Variants in ARID4B observed in about 807,000 individuals in gnomAD.
ARID4B encodes the protein AT-rich interactive domain-containing protein 4B.
In ARID4B, 26 loss-of-function variants were observed where a neutral mutation model predicts 147.5. The observed-to-expected ratio is 0.18, with a 90% CI of 0.13 to 0.24. The LOEUF (loss-of-function observed/expected upper bound fraction) is 0.24. Ranked by LOEUF, ARID4B falls within the 10% of genes least tolerant of loss-of-function variation. The pLI is 1.00. For missense variants in ARID4B, 1,179 were observed against 1,511.5 expected (o/e 0.78, Z 3.65); for synonymous variants, 512 against 507.9 (o/e 1.01, Z -0.11).
At chr1:235,304,380 T>A (rs191404361) in intron 2 of ARID4B, among the ~76,000 whole-genome samples, 108 of 149,226 alleles carry the variant, frequency 7.2e-4, no homozygotes, top group Middle Eastern at 3.5e-3. Flanking sequence ...AATGACAACA[T>A]TAACTTCAAA....
intron 2 of ARID4B, among the ~76,000 whole-genome samples, chr1:235,272,629 T>C (rs890823888): frequency 6.6e-6 from 1 of 152,090 alleles, no homozygotes; most frequent in Non-Finnish European, 1.5e-5. Context: ...TTAACTTATC[T>C]GAGCATAGCT....
In ARID4B at chr1:235,306,363, C is replaced by A. The variant is rs145423132; in HGVS notation, c.6+20551G>T. On this transcript the variant is annotated intron_variant, in intron 2 of 23. Coordinates refer to ENST00000264183, the MANE Select transcript of ARID4B (RefSeq NM_016374.6). ...CTAAAAATACAAAAAATTAGCCAGG[C>A]GTGGTGGCACACACCTGTAGTCCCA... Among the ~76,000 whole-genome samples the A allele has an allele frequency of 6.8e-4, 103 of 151,932 alleles. 1 individual carries two copies. The highest frequency in any genetic ancestry group is 2.4e-3 in the African/African-American group (100 of 41,444).
At chr1:235,254,759 A>G (rs1669845114) in intron 5 of ARID4B, among the ~76,000 whole-genome samples, 1 of 150,472 alleles carries the variant, frequency 6.6e-6, no homozygotes, top group Admixed American at 6.6e-5. Flanking sequence ...GGGAAAGAAT[A>G]AAAGAGCCAG....
chr1:235,192,577 T>C (rs1558186153), intron 19 of ARID4B, among the ~76,000 whole-genome samples: 1 of 152,156 alleles, frequency 6.6e-6, no homozygotes, highest in Non-Finnish European at 1.5e-5. Context: ...TAAACACACA[T>C]CTACAATAAG....
intron 9 of ARID4B, among the ~76,000 whole-genome samples, chr1:235,233,583 C>T (rs1668375438): frequency 6.6e-6 from 1 of 152,174 alleles, no homozygotes; most frequent in Non-Finnish European, 1.5e-5. Flanking sequence ...CTTCTCTAGT[C>T]ATATAATTCT....
At chr1:235,325,885 T>C (rs1675199191) in intron 2 of ARID4B, among the ~76,000 whole-genome samples, 1 of 152,232 alleles carries the variant, frequency 6.6e-6, no homozygotes, top group South Asian at 2.1e-4. Flanking sequence ...GTATTACAAA[T>C]TTTAATTTGG....
At chr1:235,171,326 G>A (rs996763611) in intron 23 of ARID4B, among the ~76,000 whole-genome samples, 13 of 151,944 alleles carry the variant, frequency 8.6e-5, no homozygotes, top group African/African-American at 1.4e-4. Context: ...CCAGCCACTC[G>A]GGAGACTGAG....
At chr1:235,196,288 A>G (rs1411968573) in intron 17 of ARID4B, among the ~76,000 whole-genome samples, 173 bp from the exon 18 acceptor site, 1 of 152,184 alleles carries the variant, frequency 6.6e-6, no homozygotes, top group Non-Finnish European at 1.5e-5. Context: ...AAAGAGAGGG[A>G]GGTAATAACT....
At chr1:235,203,767 A>G (rs1666109655) in intron 17 of ARID4B, among the ~76,000 whole-genome samples, 1 of 152,220 alleles carries the variant, frequency 6.6e-6, no homozygotes, top group Admixed American at 6.5e-5. Flanking sequence ...CCCCACCTGA[A>G]TTAAATAAAT....
intron 7 of ARID4B, among the ~76,000 whole-genome samples, chr1:235,244,071 C>T (rs949830387): frequency 2.0e-5 from 3 of 152,218 alleles, no homozygotes; most frequent in Non-Finnish European, 1.5e-5. Flanking sequence ...TTTTATGATA[C>T]ATGAATTATA....
intron 2 of ARID4B, among the ~76,000 whole-genome samples, chr1:235,293,810 C>CA (rs1456181275): frequency 6.6e-6 from 1 of 150,474 alleles, no homozygotes; most frequent in Non-Finnish European, 1.5e-5. Context: ...AGGCATTAAG[C>CA]AAAAAATATA....
At chr1:235,255,219 CTAGATAGA>C (rs1553304253) in intron 5 of ARID4B, among the ~76,000 whole-genome samples, 3 of 127,568 alleles carry the variant, frequency 2.4e-5, no homozygotes, top group Non-Finnish European at 3.3e-5. Context: ...CTGCTGGGAG[CTAGATAGA>C]TAGATAGATA....
At chr1:235,206,205 T>C (rs1021280953) in intron 17 of ARID4B, among the ~76,000 whole-genome samples, 17 of 152,206 alleles carry the variant, frequency 1.1e-4, no homozygotes, top group African/African-American at 2.4e-4. Flanking sequence ...ATTAGGAGAA[T>C]AGATATGAAA....
At chr1:235,306,388 A>G (rs566443374) in intron 2 of ARID4B, among the ~76,000 whole-genome samples, 5 of 151,792 alleles carry the variant, frequency 3.3e-5, no homozygotes, top group Non-Finnish European at 5.9e-5. Context: ...CTGTAGTCCC[A>G]GTTACTCGGG....
chr1:235,195,332 C>T (rs935122292), intron 18 of ARID4B, among the ~76,000 whole-genome samples: 1 of 152,122 alleles, frequency 6.6e-6, no homozygotes, highest in Non-Finnish European at 1.5e-5. Context: ...GTGGCTCACA[C>T]CTATAATCCC....
chr1:235,319,894 C>A (rs12080207), intron 2 of ARID4B, among the ~76,000 whole-genome samples: 6,044 of 151,586 alleles, frequency 0.04, 449 homozygotes, highest in African/African-American at 0.14. Context: ...TCTGGGAGGC[C>A]GAGGCAGGTG....
chr1:235,246,553 G>A, intron 6 of ARID4B, 42 bp from the exon 7 acceptor site: 1 of 1,369,288 alleles, frequency 7.3e-7, no homozygotes, highest in Non-Finnish European at 1.0e-6. Context: ...TTAACACTTT[G>A]CAAGTGCCTT....
At chr1:235,244,615 G>GT (rs2103079908) in intron 7 of ARID4B, among the ~76,000 whole-genome samples, 2 of 152,096 alleles carry the variant, frequency 1.3e-5, no homozygotes, top group South Asian at 4.1e-4. Flanking sequence ...GAATAACTAG[G>GT]GGTAGATTAA....
chr1:235,178,569 C>G (rs1368593357), intron 20 of ARID4B, among the ~76,000 whole-genome samples: 1 of 152,118 alleles, frequency 6.6e-6, no homozygotes, highest in Non-Finnish European at 1.5e-5. Context: ...TAGCCCAAGT[C>G]CTACATCTTC....
Sources: gnomAD v4.1 joint callset for allele counts (sites outside exome capture counted in the v4.1 genomes callset) on GRCh38, gnomAD v4.1.1 for gene constraint, MANE v1.5 for transcripts, NCBI Gene and HGNC (gene_info 2026-07-23, HGNC 2026-07-21) for gene names.